The following RABGEF1 variants were observed in gnomAD, a reference collection of about 807,000 sequenced individuals.
The protein encoded by RABGEF1 is RAB guanine nucleotide exchange factor 1, also known as rab5 GDP/GTP exchange factor.
Under a neutral mutation model 57.3 loss-of-function variants are expected in RABGEF1, and 26 were observed. The observed-to-expected ratio is 0.45, with a 90% CI of 0.33 to 0.63. RABGEF1 has a LOEUF of 0.63. Among genes scored for constraint, RABGEF1 ranks in the 20% least tolerant of loss-of-function variants. The pLI, the probability that RABGEF1 is intolerant of heterozygous loss-of-function variation, is 0.02. For missense variants in RABGEF1, 464 were observed against 607.6 expected (o/e 0.76, Z 2.48); for synonymous variants, 185 against 210.7 (o/e 0.88, Z 1.06).
chr7:66,764,999 T>C (rs977230347), intron 1 of RABGEF1, among the ~76,000 whole-genome samples: 3 of 152,144 alleles, frequency 2.0e-5, no homozygotes, highest in Non-Finnish European at 4.4e-5. Context: ...TCTAGATATC[T>C]AGCATAGTCT....
intron 2 of RABGEF1, among the ~76,000 whole-genome samples, chr7:66,716,535 A>G (rs1795417863): frequency 6.6e-6 from 1 of 152,188 alleles, no homozygotes; most frequent in African/African-American, 2.4e-5. Flanking sequence ...TGGGAGGCAG[A>G]GGTTGCAGTG....
chr7:66,775,052 T>G (rs959164698), intron 2 of RABGEF1, among the ~76,000 whole-genome samples, 175 bp from the exon 3 acceptor site: 1 of 152,182 alleles, frequency 6.6e-6, no homozygotes, highest in Admixed American at 6.5e-5. Context: ...TTGAAATCTG[T>G]AGTGCATGAA....
intron 1 of RABGEF1, among the ~76,000 whole-genome samples, chr7:66,688,085 CAAAAAA>C (rs60925853): frequency 1.2e-3 from 135 of 109,120 alleles, no homozygotes; most frequent in South Asian, 0.01. Flanking sequence ...AACTCTGTGT[CAAAAAA>C]AAAAAAAAAA....
At chr7:66,702,410 CTT>C (rs980098750) in intron 1 of RABGEF1, among the ~76,000 whole-genome samples, 1 of 147,380 alleles carries the variant, frequency 6.8e-6, no homozygotes, top group Non-Finnish European at 1.5e-5. Context: ...TAGGGTCTGA[CTT>C]TTGGGTATTT....
intron 1 of RABGEF1, among the ~76,000 whole-genome samples, chr7:66,758,457 G>C (rs1803332905): frequency 6.6e-6 from 1 of 152,176 alleles, no homozygotes; most frequent in African/African-American, 2.4e-5. Context: ...TTTATGCCCA[G>C]GTTGCTCAAC....
chr7:66,725,304 A>G (rs1796468934), intron 2 of RABGEF1, among the ~76,000 whole-genome samples: 1 of 152,080 alleles, frequency 6.6e-6, no homozygotes, highest in Admixed American at 6.6e-5. Context: ...CAATTTTACA[A>G]TATTTTCCTT....
At chr7:66,788,377 G>C (rs1179000134) in intron 4 of RABGEF1, among the ~76,000 whole-genome samples, 1 of 151,810 alleles carries the variant, frequency 6.6e-6, no homozygotes, top group Non-Finnish European at 1.5e-5. Context: ...CCCAAAAGGT[G>C]GGGTTGCAGT....
intron 2 of RABGEF1, among the ~76,000 whole-genome samples, chr7:66,720,528 A>G (rs1795929274): frequency 6.6e-6 from 1 of 151,914 alleles, no homozygotes; most frequent in Admixed American, 6.6e-5. Context: ...AAAAATCAGC[A>G]AACTAAATAT....
At chr7:66,691,505 A>T (rs1226445344) in intron 1 of RABGEF1, among the ~76,000 whole-genome samples, 1 of 152,178 alleles carries the variant, frequency 6.6e-6, no homozygotes, top group Non-Finnish European at 1.5e-5. Flanking sequence ...ATTGGACCCA[A>T]AAAACATATA....
chr7:66,757,891 G>T (rs1404138177), intron 1 of RABGEF1, among the ~76,000 whole-genome samples: 1 of 152,174 alleles, frequency 6.6e-6, no homozygotes, highest in Non-Finnish European at 1.5e-5. Context: ...GATTACAGGC[G>T]TGAGCCACTG....
At chr7:66,710,934 G>A (rs1422241051) in intron 1 of RABGEF1, among the ~76,000 whole-genome samples, 2 of 151,896 alleles carry the variant, frequency 1.3e-5, no homozygotes, top group African/African-American at 4.8e-5. Context: ...CTTGAGGCCA[G>A]GAGTTTGAGA....
intron 1 of RABGEF1, among the ~76,000 whole-genome samples, chr7:66,751,499 T>C (rs904652182): frequency 1.3e-5 from 2 of 152,208 alleles, no homozygotes; most frequent in Admixed American, 1.3e-4. Context: ...TGATGCTATT[T>C]TTCAGAGAAG....
the RABGEF1 span, among the ~76,000 whole-genome samples, chr7:66,661,315 A>AAAAAAAG: frequency 6.6e-6 from 1 of 151,604 alleles, no homozygotes; most frequent in East Asian, 1.9e-4. Context: ...AAAAAAAAAA[A>AAAAAAAG]AATGAGGGCG....
At chr7:66,754,063 C>T (rs1345546654) in intron 1 of RABGEF1, among the ~76,000 whole-genome samples, 7 of 145,546 alleles carry the variant, frequency 4.8e-5, no homozygotes, top group African/African-American at 1.5e-4. Flanking sequence ...AGTGCTGTGG[C>T]GCAATCTTGG....
At chr7:66,764,523 T>A (rs1271783140) in intron 1 of RABGEF1, among the ~76,000 whole-genome samples, 1 of 152,230 alleles carries the variant, frequency 6.6e-6, no homozygotes, top group Admixed American at 6.5e-5. Flanking sequence ...TAAACATCCT[T>A]TGTCAAATCC....
upstream of RABGEF1, among the ~76,000 whole-genome samples, chr7:66,679,407 C>T (rs1368702101): frequency 2.0e-5 from 3 of 152,182 alleles, no homozygotes; most frequent in Non-Finnish European, 4.4e-5. Context: ...CCCCCAGGCT[C>T]ATGTGATCCT....
intron 2 of RABGEF1, among the ~76,000 whole-genome samples, chr7:66,728,298 G>A (rs1310652707): frequency 1.3e-5 from 2 of 152,138 alleles, no homozygotes; most frequent in East Asian, 3.9e-4. Context: ...TCCCCTTCCT[G>A]TCTATTGTCT....
chr7:66,691,724 G>T (rs1189707495), intron 1 of RABGEF1, among the ~76,000 whole-genome samples: 1 of 152,054 alleles, frequency 6.6e-6, no homozygotes, highest in Non-Finnish European at 1.5e-5. Flanking sequence ...TTGCCAAACT[G>T]AAGGCTAATG....
Position 66,799,332 on chromosome 7 carries a change from C to A in RABGEF1, c.738C>A (p.Arg246=). The A allele has an allele frequency of 6.2e-7, 1 of 1,606,708 alleles. No individual in the cohort carries two copies. The highest frequency in any genetic ancestry group is 8.5e-7 in the Non-Finnish European group (1 of 1,173,276). The change falls in exon 7 of 9, where the codon CGC becomes CGA. Residue 246 remains arginine (R), a synonymous_variant. Transcript: ENST00000284957. Reference sequence around the variant, plus strand: ...GTCTCTCTCTCTTTAGAGCCCTGCGCTGGGTTACGCCTCAGATGCTGTGTG... The same window carrying A: ...GTCTCTCTCTCTTTAGAGCCCTGCGATGGGTTACGCCTCAGATGCTGTGTG... ...LAIQKRIRAL[R]WVTPQMLCVP... is the part of the protein sequence containing the mutation.
Sources: gnomAD v4.1 joint callset for allele counts (sites outside exome capture counted in the v4.1 genomes callset) on GRCh38, gnomAD v4.1.1 for gene constraint, MANE v1.5 for transcripts, NCBI Gene and HGNC (gene_info 2026-07-23, HGNC 2026-07-21) for gene names.